Variants in MACROD2 observed in about 807,000 individuals in gnomAD.
MACROD2 encodes the protein mono-ADP ribosylhydrolase 2.
MACROD2 carries 36 observed loss-of-function variants against 70.4 expected under a neutral mutation model. The observed-to-expected ratio is 0.51, with a 90% CI of 0.39 to 0.68. The LOEUF is 0.68. MACROD2 is among the 30% of genes least tolerant of loss of function. The pLI is 0.00. For synonymous variants in MACROD2, 172 were observed against 178.8 expected (o/e 0.96, Z 0.30); for missense variants, 496 against 538.4 (o/e 0.92, Z 0.78).
chr20:15,577,834 A>G (rs13044021), intron 8 of MACROD2, among the ~76,000 whole-genome samples: 18,954 of 152,198 alleles, frequency 0.12, 1,656 homozygotes, highest in Non-Finnish European at 0.19. Context: ...ATGGATTACT[A>G]TTATTCATTT....
intron 6 of MACROD2, among the ~76,000 whole-genome samples, chr20:15,415,816 A>C (rs16995705): frequency 0.035 from 5,381 of 152,248 alleles, 323 homozygotes; most frequent in African/African-American, 0.12. Context: ...TACCTTTCTA[A>C]TAAGAATGAC....
intron 6 of MACROD2, among the ~76,000 whole-genome samples, chr20:15,275,900 C>G (rs1349726888): frequency 6.6e-6 from 1 of 151,986 alleles, no homozygotes; most frequent in East Asian, 1.9e-4. Context: ...GAAACAGAAC[C>G]CGATTTCAGC....
chr20:15,210,094 A>G (rs547185969), intron 5 of MACROD2, among the ~76,000 whole-genome samples: 58 of 152,260 alleles, frequency 3.8e-4, no homozygotes, highest in Middle Eastern at 3.4e-3. Context: ...CTCTCTCACT[A>G]TTTATGAACT....
intron 3 of MACROD2, among the ~76,000 whole-genome samples, chr20:14,357,643 G>A (rs1253399947): frequency 1.3e-5 from 2 of 152,180 alleles, no homozygotes; most frequent in Admixed American, 6.5e-5. Flanking sequence ...ACCAAATACA[G>A]CCTATAAAAC....
chr20:15,652,330 A>C (rs2049657355), intron 8 of MACROD2, among the ~76,000 whole-genome samples: 2 of 152,186 alleles, frequency 1.3e-5, no homozygotes, highest in African/African-American at 4.8e-5. Context: ...AATGAGAGTC[A>C]TGTGCTTTCA....
At chr20:14,403,175 A>T (rs1261327216) in intron 3 of MACROD2, among the ~76,000 whole-genome samples, 2 of 152,138 alleles carry the variant, frequency 1.3e-5, no homozygotes, top group African/African-American at 2.4e-5. Context: ...CAATGGAAAT[A>T]AAAAAATCAC....
At chr20:14,806,436 A>C (rs2122157584) in intron 5 of MACROD2, among the ~76,000 whole-genome samples, 1 of 152,186 alleles carries the variant, frequency 6.6e-6, no homozygotes, top group African/African-American at 2.4e-5. Flanking sequence ...CATAGTCTTC[A>C]CAACCCACAG....
At chr20:15,174,652 C>A (rs2145892905) in intron 5 of MACROD2, among the ~76,000 whole-genome samples, 1 of 152,308 alleles carries the variant, frequency 6.6e-6, no homozygotes, top group Middle Eastern at 3.4e-3. Flanking sequence ...TCTCCACATC[C>A]TCTCCAGCAC....
At chr20:14,617,540 A>G (rs1036238965) in intron 4 of MACROD2, among the ~76,000 whole-genome samples, 5 of 152,154 alleles carry the variant, frequency 3.3e-5, no homozygotes, top group African/African-American at 1.2e-4. Context: ...TTTTTCTGCA[A>G]GAAATGTTCT....
At chr20:14,551,171 T>G (rs1023422116) in intron 4 of MACROD2, among the ~76,000 whole-genome samples, 2 of 152,138 alleles carry the variant, frequency 1.3e-5, no homozygotes, top group African/African-American at 4.8e-5. Context: ...GTAGATTGTT[T>G]TGGGAAACAT....
intron 4 of MACROD2, among the ~76,000 whole-genome samples, chr20:14,594,405 T>C (rs1981984026): frequency 6.6e-6 from 1 of 152,244 alleles, no homozygotes; most frequent in African/African-American, 2.4e-5. Flanking sequence ...TAACACTTCC[T>C]ACTCCTTTGT....
At chr20:15,157,986 C>A (rs891854197) in intron 5 of MACROD2, among the ~76,000 whole-genome samples, 3 of 152,114 alleles carry the variant, frequency 2.0e-5, no homozygotes, top group African/African-American at 7.2e-5. Context: ...TCATTAAATT[C>A]TCTTCAGTTA....
intron 8 of MACROD2, among the ~76,000 whole-genome samples, chr20:15,520,962 C>T (rs1428761830): frequency 6.6e-6 from 1 of 152,228 alleles, no homozygotes; most frequent in Non-Finnish European, 1.5e-5. Flanking sequence ...GCCAGCCTTT[C>T]ATTCTGTTTC....
At chr20:15,582,113 C>T (rs2048533155) in intron 8 of MACROD2, among the ~76,000 whole-genome samples, 1 of 131,696 alleles carries the variant, frequency 7.6e-6, no homozygotes, top group Non-Finnish European at 1.8e-5. Context: ...CAGTGCCAGA[C>T]TCGGTCTCAA....
intron 2 of MACROD2, among the ~76,000 whole-genome samples, chr20:14,020,902 T>G (rs2053067159): frequency 6.6e-6 from 1 of 152,148 alleles, no homozygotes. Flanking sequence ...GATCATCTTC[T>G]TAGGTATTTT....
At chr20:15,141,772 T>G (rs2145847897) in intron 5 of MACROD2, among the ~76,000 whole-genome samples, 1 of 152,334 alleles carries the variant, frequency 6.6e-6, no homozygotes, top group Non-Finnish European at 1.5e-5. Flanking sequence ...TTTATTTCAG[T>G]TTCCCAGAAA....
intron 3 of MACROD2, among the ~76,000 whole-genome samples, chr20:14,409,181 A>G (rs755436788): frequency 1.5e-5 from 2 of 130,538 alleles, no homozygotes; most frequent in Admixed American, 8.7e-5. Context: ...CGTATCCCCT[A>G]GTGCCATGCC....
intron 5 of MACROD2, among the ~76,000 whole-genome samples, chr20:15,129,612 G>A (rs796977161): frequency 6.6e-6 from 1 of 152,210 alleles, no homozygotes; most frequent in African/African-American, 2.4e-5. Flanking sequence ...TATCAACTGT[G>A]TTTAATCATT....
intron 4 of MACROD2, among the ~76,000 whole-genome samples, chr20:14,538,621 CCTT>C (rs2123226430): frequency 1.3e-5 from 2 of 152,244 alleles, no homozygotes; most frequent in Non-Finnish European, 2.9e-5. Context: ...ACCACACCGG[CCTT>C]CTTTCTATTC....
Sources: gnomAD v4.1 joint callset for allele counts (sites outside exome capture counted in the v4.1 genomes callset) on GRCh38, gnomAD v4.1.1 for gene constraint, MANE v1.5 for transcripts, NCBI Gene and HGNC (gene_info 2026-07-23, HGNC 2026-07-21) for gene names.